FNDC3B: variants seen among roughly 807,000 people sequenced by gnomAD.
FNDC3B encodes the protein fibronectin type III domain containing 3B.
Under a neutral mutation model 151.5 loss-of-function variants are expected in FNDC3B, and 12 were observed. The ratio of observed to expected loss-of-function variants is 0.08; its 90% CI spans 0.05 to 0.13. The LOEUF (loss-of-function observed/expected upper bound fraction) is 0.13, where lower values mean the gene tolerates loss of function less well. Ranked by LOEUF, FNDC3B falls within the 10% of genes least tolerant of loss-of-function variation. The probability of loss-of-function intolerance (pLI) is 1.00; values close to 1 mark genes in which losing one functional copy is unlikely to be tolerated. For synonymous variants in FNDC3B, 528 were observed against 549.0 expected (o/e 0.96, Z 0.54); for missense variants, 1,214 against 1,505.3 (o/e 0.81, Z 3.20).
At chr3:172,218,078 C>T (rs1403716158) in intron 3 of FNDC3B, among the ~76,000 whole-genome samples, 1 of 130,482 alleles carries the variant, frequency 7.7e-6, no homozygotes, top group East Asian at 2.3e-4. Context: ...CTGGGCCAGA[C>T]TAGAAATTCT....
chr3:172,051,344 A>G (rs1049717593), intron 1 of FNDC3B, among the ~76,000 whole-genome samples: 5 of 151,894 alleles, frequency 3.3e-5, no homozygotes, highest in African/African-American at 1.2e-4. Context: ...TTTTCAGAAG[A>G]CTTGACTTTT....
intron 3 of FNDC3B, among the ~76,000 whole-genome samples, chr3:172,140,670 G>A (rs1468347670): frequency 2.6e-5 from 4 of 152,190 alleles, no homozygotes; most frequent in Non-Finnish European, 4.4e-5. Flanking sequence ...GAGAGCAAAG[G>A]CTGTGATTGT....
At chr3:172,197,364 G>A (rs897583051) in intron 3 of FNDC3B, among the ~76,000 whole-genome samples, 2 of 152,082 alleles carry the variant, frequency 1.3e-5, no homozygotes, top group African/African-American at 4.8e-5. Context: ...TTTCTGAACC[G>A]TTAGAGAGTA....
rs370556531 is a variant in FNDC3B, at chr3:172,326,933, G to A, written c.1255-2019G>A. On this transcript the variant is annotated intron_variant, in intron 11 of 25. Transcript: ENST00000415807. Reference sequence around the variant, plus strand: ...GGGTTTGGAAGGGATGAGAGCTTCCGCCATGGCAGGATGGGCCTTTCTTGC... The same window carrying A: ...GGGTTTGGAAGGGATGAGAGCTTCCACCATGGCAGGATGGGCCTTTCTTGC... Among the ~76,000 whole-genome samples the A allele has an allele frequency of 7.2e-5, 11 of 152,120 alleles. No homozygotes were observed. The East Asian group carries it at 7.7e-4, about 11-fold the overall frequency.
intron 23 of FNDC3B, among the ~76,000 whole-genome samples, chr3:172,377,597 G>A (rs768458376): frequency 2.0e-5 from 3 of 152,150 alleles, no homozygotes; most frequent in African/African-American, 7.2e-5. Context: ...TCCTGGATCC[G>A]ATGGGGGAAG....
intron 25 of FNDC3B, among the ~76,000 whole-genome samples, chr3:172,384,814 A>G (rs1735624327): frequency 6.6e-6 from 1 of 152,260 alleles, no homozygotes. Flanking sequence ...ATTTAGACCC[A>G]TGGCCATATA....
At chr3:172,201,721 G>A (rs531606146) in intron 3 of FNDC3B, among the ~76,000 whole-genome samples, 1 of 152,338 alleles carries the variant, frequency 6.6e-6, no homozygotes, top group African/African-American at 2.4e-5. Flanking sequence ...CAAGATGGCA[G>A]CTGTTTAGTG....
chr3:172,260,708 AG>A (rs1460324808), intron 6 of FNDC3B, among the ~76,000 whole-genome samples: 1 of 152,198 alleles, frequency 6.6e-6, no homozygotes, highest in African/African-American at 2.4e-5. Flanking sequence ...GGGAGAGTTC[AG>A]AGGGGCATCC....
At chr3:172,135,154 G>A (rs1408997158) in intron 3 of FNDC3B, among the ~76,000 whole-genome samples, 1 of 152,122 alleles carries the variant, frequency 6.6e-6, no homozygotes, top group Admixed American at 6.5e-5. Flanking sequence ...CTGAGTGTGT[G>A]TAATAGAATC....
chr3:172,152,862 C>T (rs1481872548), intron 3 of FNDC3B, among the ~76,000 whole-genome samples: 3 of 152,136 alleles, frequency 2.0e-5, no homozygotes, highest in African/African-American at 7.2e-5. Context: ...GGGCCAGCTA[C>T]GTGAAATGTG....
At chr3:172,382,492 T>C (rs757558914) in intron 25 of FNDC3B, among the ~76,000 whole-genome samples, 67 of 152,248 alleles carry the variant, frequency 4.4e-4, no homozygotes, top group Non-Finnish European at 8.8e-4. Flanking sequence ...TTTGTCAATT[T>C]TGGCTTTTGT....
chr3:172,121,456 A>G (rs1312113210), intron 2 of FNDC3B, among the ~76,000 whole-genome samples: 1 of 152,172 alleles, frequency 6.6e-6, no homozygotes, highest in African/African-American at 2.4e-5. Context: ...TGAGGCCCCC[A>G]ATAAGTGCCG....
intron 23 of FNDC3B, among the ~76,000 whole-genome samples, chr3:172,368,720 A>C (rs531720046): frequency 5.9e-5 from 9 of 152,296 alleles, no homozygotes; most frequent in African/African-American, 2.2e-4. Context: ...AGATTTTAGA[A>C]ACATTCTTGG....
intron 3 of FNDC3B, among the ~76,000 whole-genome samples, chr3:172,214,989 A>G (rs1281649188): frequency 6.6e-6 from 1 of 152,242 alleles, no homozygotes; most frequent in East Asian, 1.9e-4. Flanking sequence ...AAAGCAATAC[A>G]TGATTATTAC....
At chr3:172,377,732 C>A (rs1735227723) in intron 23 of FNDC3B, among the ~76,000 whole-genome samples, 2 of 152,082 alleles carry the variant, frequency 1.3e-5, no homozygotes, top group Admixed American at 1.3e-4. Flanking sequence ...TCTCAACGAT[C>A]CATAATCCTA....
intron 11 of FNDC3B, among the ~76,000 whole-genome samples, chr3:172,315,025 A>C (rs995895583): frequency 2.0e-5 from 3 of 152,240 alleles, no homozygotes; most frequent in Non-Finnish European, 1.5e-5. Flanking sequence ...ACAACATCTT[A>C]ATTTTTAAAT....
intron 3 of FNDC3B, among the ~76,000 whole-genome samples, chr3:172,173,020 T>G (rs990854804): frequency 2.0e-5 from 3 of 152,192 alleles, no homozygotes; most frequent in African/African-American, 7.2e-5. Flanking sequence ...GGTTCTTTAG[T>G]GTGTTGTGAG....
intron 2 of FNDC3B, among the ~76,000 whole-genome samples, chr3:172,122,052 C>T (rs1720578134): frequency 6.6e-6 from 1 of 152,234 alleles, no homozygotes; most frequent in African/African-American, 2.4e-5. Context: ...AGATGAGACA[C>T]TTCTGCATCC....
intron 3 of FNDC3B, among the ~76,000 whole-genome samples, chr3:172,169,729 G>A (rs1450726508): frequency 6.6e-6 from 1 of 152,210 alleles, no homozygotes; most frequent in Middle Eastern, 3.2e-3. Context: ...AAGCTGCACA[G>A]GTGCCTAGCA....
Sources: allele counts gnomAD v4.1 joint callset (sites outside exome capture counted in the v4.1 genomes callset), GRCh38; gene constraint gnomAD v4.1.1; transcripts MANE v1.5; gene names NCBI Gene and HGNC (gene_info 2026-07-23, HGNC 2026-07-21).